The following RAP1A variants were observed in gnomAD, a reference collection of about 807,000 sequenced individuals.
RAP1A encodes the protein RAP1A, member of RAS oncogene family, also known as ras-related protein Rap-1A.
In RAP1A, 6 loss-of-function variants were observed where a neutral mutation model predicts 26.4. The observed-to-expected ratio is 0.23, with a 90% CI of 0.12 to 0.45. The LOEUF is 0.45. Ranked by LOEUF, RAP1A falls within the 20% of genes least tolerant of loss-of-function variation. RAP1A has a pLI of 0.99. For missense variants in RAP1A, 121 were observed against 217.2 expected, an observed-to-expected ratio of 0.56 and a Z score of 2.78; for synonymous variants, 73 against 79.4, an observed-to-expected ratio of 0.92 and a Z score of 0.43.
Position 111,715,325 on chromosome 1 carries a change from C to CG in RAP1A, c.*2924_*2925insG, listed in dbSNP as rs1557902820. 6.6e-6 allele frequency: 1 copy of CG among 151,230 alleles called. No homozygotes were observed. Among genetic ancestry groups the CG allele is most frequent in the African/African-American group, 2.4e-5 (1 of 40,962 alleles). 9.4% of individuals were successfully genotyped at this position (151,230 alleles called of 1,614,324 possible). ...ACTCCTGACTTCGTGATCCGCCCCC[C>CG]CCTCAGCCTCCCAAAGTGCTGGGAT... is the stretch of plus-strand genomic sequence containing the variant. On this transcript the variant is annotated 3_prime_UTR_variant, in exon 8 of 8. Coordinates refer to ENST00000369709, the MANE Select transcript of RAP1A (RefSeq NM_002884.4).
intron 1 of RAP1A, among the ~76,000 whole-genome samples, chr1:111,598,726 C>T (rs1357856841): frequency 6.6e-5 from 10 of 152,166 alleles, no homozygotes; most frequent in Admixed American, 5.2e-4. Flanking sequence ...CCTCACACAG[C>T]AAGCAAGCGA....
At chr1:111,676,484 A>C (rs913560669) in intron 1 of RAP1A, among the ~76,000 whole-genome samples, 7 of 152,044 alleles carry the variant, frequency 4.6e-5, no homozygotes, top group Non-Finnish European at 1.0e-4. Flanking sequence ...ACAGAGCCAA[A>C]CCATATCAGT....
intron 1 of RAP1A, among the ~76,000 whole-genome samples, chr1:111,674,011 C>T (rs916230588): frequency 6.6e-6 from 1 of 152,134 alleles, no homozygotes; most frequent in African/African-American, 2.4e-5. Flanking sequence ...TTTGTTGTTG[C>T]AGAATATCCA....
chr1:111,695,519 T>G (rs1661800974), intron 3 of RAP1A, 110 bp downstream of exon 3: 4 of 703,352 alleles, frequency 5.7e-6, no homozygotes, highest in Non-Finnish European at 6.6e-6. Flanking sequence ...ATACAAATAT[T>G]GTGCATCTGT....
rs1366851754 is a variant in RAP1A, at chr1:111,716,629, C to G, written c.*4228C>G. On this transcript the variant is annotated 3_prime_UTR_variant, in exon 8 of 8. Transcript: ENST00000369709. ...TACATTTCCCACTAATTGCTTCTCT[C>G]AAGAAGCAAGAGATTGGCTGTTCCT... 6.6e-6 allele frequency: 1 copy of G among 152,196 alleles called. No homozygotes were observed. The highest frequency in any genetic ancestry group is 1.9e-4 in the East Asian group (1 of 5,204). 9.4% of individuals were successfully genotyped at this position (152,196 alleles called of 1,614,324 possible). A position where few individuals can be genotyped will look rare whatever the true frequency, so the allele number is the denominator to read the frequency against.
At chr1:111,692,682 C>T (rs1661705489) in intron 2 of RAP1A, among the ~76,000 whole-genome samples, 1 of 152,008 alleles carries the variant, frequency 6.6e-6, no homozygotes, top group South Asian at 2.1e-4. Flanking sequence ...AATGCAATAG[C>T]TCTATATATA....
At chr1:111,655,456 C>T (rs1450192280) in intron 1 of RAP1A, among the ~76,000 whole-genome samples, 1 of 151,804 alleles carries the variant, frequency 6.6e-6, no homozygotes, top group Non-Finnish European at 1.5e-5. Flanking sequence ...AAGCACATGA[C>T]TGATAAATAT....
At position 111,715,862 on chromosome 1, in the gene RAP1A, C is replaced by G. The variant is rs1166544014; in HGVS notation, c.*3461C>G. Reference sequence around the variant, plus strand: ...GACATGGCCAGTTTAAAATATTTTGCCCCATTACCCTTGTAGATACACATG... The same window carrying G: ...GACATGGCCAGTTTAAAATATTTTGGCCCATTACCCTTGTAGATACACATG... On this transcript the variant is annotated 3_prime_UTR_variant, in exon 8 of 8. Coordinates refer to ENST00000369709, the MANE Select transcript of RAP1A (RefSeq NM_002884.4). The G allele has an allele frequency of 6.6e-6, 1 of 152,170 alleles. No individual in the cohort carries two copies. Among genetic ancestry groups the G allele is most frequent in the Admixed American group, 6.5e-5 (1 of 15,278 alleles). 9.4% of individuals were successfully genotyped at this position (152,170 alleles called of 1,614,324 possible).
chr1:111,656,334 ATACT>A (rs1003063370), intron 1 of RAP1A, among the ~76,000 whole-genome samples: 4 of 152,220 alleles, frequency 2.6e-5, no homozygotes, highest in African/African-American at 9.6e-5. Flanking sequence ...TTCTGGACAA[ATACT>A]TACTGAGTTG....
intron 1 of RAP1A, among the ~76,000 whole-genome samples, chr1:111,682,808 T>G (rs1429316358): frequency 3.9e-5 from 6 of 152,120 alleles, no homozygotes; most frequent in African/African-American, 1.4e-4. Context: ...TGAACCCAGC[T>G]CTGGACCAAG....
intron 1 of RAP1A, among the ~76,000 whole-genome samples, chr1:111,654,861 T>G (rs1660399030): frequency 6.6e-6 from 1 of 151,108 alleles, no homozygotes; most frequent in South Asian, 2.1e-4. Flanking sequence ...ATTATTAGCC[T>G]TCTAAACTTT....
intron 2 of RAP1A, among the ~76,000 whole-genome samples, chr1:111,694,726 ATTAAAAGTGACTAGC>A (rs1430087828): frequency 6.6e-6 from 1 of 152,220 alleles, no homozygotes; most frequent in East Asian, 1.9e-4. Context: ...GTGGTTATAA[ATTAAAAGTGACTAGC>A]TTAATGTCTG....
chr1:111,593,543 C>T (rs1361153937), intron 1 of RAP1A, among the ~76,000 whole-genome samples: 1 of 151,920 alleles, frequency 6.6e-6, no homozygotes, highest in Admixed American at 6.6e-5. Flanking sequence ...TGCCCAGCAC[C>T]CTAAGAGGAT....
intron 1 of RAP1A, among the ~76,000 whole-genome samples, chr1:111,675,952 T>G (rs72697814): frequency 1.3e-5 from 2 of 152,060 alleles, no homozygotes; most frequent in East Asian, 3.9e-4. Context: ...TTTCCCCTTA[T>G]CAAAGATCTT....
chr1:111,563,350 T>C (rs1213818215), intron 1 of RAP1A, among the ~76,000 whole-genome samples: 2 of 152,226 alleles, frequency 1.3e-5, no homozygotes, highest in Non-Finnish European at 2.9e-5. Context: ...GCTTACTGTC[T>C]ATCTGGGGAG....
At chr1:111,635,807 A>C (rs916760094) in intron 1 of RAP1A, among the ~76,000 whole-genome samples, 1 of 151,964 alleles carries the variant, frequency 6.6e-6, no homozygotes, top group African/African-American at 2.4e-5. Flanking sequence ...CTCTGACCTC[A>C]GGTGATCCCC....
chr1:111,603,832 G>C (rs767328183), intron 1 of RAP1A, among the ~76,000 whole-genome samples: 122 of 152,140 alleles, frequency 8.0e-4, no homozygotes, highest in Non-Finnish European at 7.1e-4. Flanking sequence ...TTGCAGGATT[G>C]CAACTCTGTG....
At chr1:111,542,866 T>A (rs971913424) in intron 1 of RAP1A, among the ~76,000 whole-genome samples, 5 of 151,994 alleles carry the variant, frequency 3.3e-5, no homozygotes, top group Non-Finnish European at 7.4e-5. Flanking sequence ...CTGGCTAGTT[T>A]TTGCATTTTT....
At chr1:111,582,486 T>C (rs1658276633) in intron 1 of RAP1A, among the ~76,000 whole-genome samples, 1 of 152,206 alleles carries the variant, frequency 6.6e-6, no homozygotes, top group Admixed American at 6.5e-5. Context: ...TGGGGTTTAG[T>C]AAATCTTTTT....
Sources: allele counts gnomAD v4.1 joint callset (sites outside exome capture counted in the v4.1 genomes callset), GRCh38; gene constraint gnomAD v4.1.1; transcripts MANE v1.5; gene names NCBI Gene and HGNC (gene_info 2026-07-23, HGNC 2026-07-21).